The following DUOX1 variants were observed in gnomAD, a reference collection of about 807,000 sequenced individuals.
DUOX1 encodes dual oxidase 1.
In DUOX1, 134 loss-of-function variants were observed where a neutral mutation model predicts 181.8. That is an observed-to-expected ratio of 0.74 (90% confidence interval 0.64 to 0.85). The LOEUF (loss-of-function observed/expected upper bound fraction) is 0.85. Ranked by LOEUF, DUOX1 falls within the 40% of genes least tolerant of loss-of-function variation. DUOX1 has a pLI of 0.00. For synonymous variants in DUOX1, 798 were observed against 832.5 expected (o/e 0.96, Z 0.71); for missense variants, 1,814 against 2,064.4 (o/e 0.88, Z 2.35).
chr15:45,136,566 G>A lies in DUOX1; in HGVS notation c.963G>A (p.Glu321=), dbSNP rs75150741. The A allele has an allele frequency of 2.5e-6, 4 of 1,614,170 alleles. No homozygotes were observed. Among genetic ancestry groups the A allele is most frequent in the East Asian group, 2.2e-5 (1 of 44,882 alleles). Residue 321 remains glutamate (E), a synonymous_variant, in exon 9 of 34, where the codon GAG becomes GAA. Coordinates refer to ENST00000389037, the MANE Select transcript of DUOX1 (RefSeq NM_175940.3). ...RPFLDPSISS[E]FVAASEQFLS... is the part of the protein sequence containing the mutation. ...TTCTGGACCCCAGCATCTCCTCAGA[G>A]TTCGTGGCGGCCTCTGAGCAGTTCC... is the stretch of plus-strand genomic sequence containing the variant.
intron 29 of DUOX1, 121 bp from the exon 30 acceptor site, chr15:45,161,616 TG>T (rs1897105426): frequency 3.5e-6 from 3 of 863,850 alleles, no homozygotes; most frequent in South Asian, 1.6e-5. Context: ...GAGCTTCTGA[TG>T]GGGGAGGCCT....
chr15:45,135,463 G>C lies in DUOX1; in HGVS notation c.496-11G>C. On this transcript the variant is annotated splice_polypyrimidine_tract_variant and intron_variant, in intron 5 of 33. Transcript: ENST00000389037. ...CCATCGACCCGGGCTCACCCGCCGC[G>C]TGCCCCGCAGGCCAACCAGGTGACG... 6.5e-7 allele frequency: 1 copy of C among 1,547,222 alleles called. No homozygotes were observed. Among genetic ancestry groups the C allele is most frequent in the South Asian group, 1.2e-5 (1 of 84,008 alleles).
At chr15:45,143,922 G>C in intron 16 of DUOX1, 114 bp from the exon 17 acceptor site, 1 of 993,350 alleles carries the variant, frequency 1.0e-6, no homozygotes. Flanking sequence ...TACCCCAGAA[G>C]GGGACAATGA....
chr15:45,132,811 G>A (rs529152646), intron 2 of DUOX1, among the ~76,000 whole-genome samples: 2 of 152,044 alleles, frequency 1.3e-5, no homozygotes, highest in Non-Finnish European at 2.9e-5. Flanking sequence ...CCCAAGAGGC[G>A]CTTTCCCTGT....
chr15:45,141,459 C>T (rs200703178), intron 14 of DUOX1, 49 bp downstream of exon 14: 54 of 1,573,184 alleles, frequency 3.4e-5, no homozygotes, highest in Middle Eastern at 3.3e-4. Context: ...GGAGCCTCGT[C>T]CCTCTTCAGC....
In DUOX1 at chr15:45,142,793, G is replaced by GGAAGGAAGGA. The variant is rs1567012344; in HGVS notation, c.1823-397_1823-396insGAAGGAAGGA. On this transcript the variant is annotated intron_variant, in intron 15 of 33. Coordinates refer to ENST00000389037, the MANE Select transcript of DUOX1 (RefSeq NM_175940.3). ...GAAGGAAGGAAGGAAGGAAGGGAGGGAGGAAGGGAGGGAGGAAGAGCAGGC... is the reference window on the plus strand; with the variant it reads ...GAAGGAAGGAAGGAAGGAAGGGAGGGGAAGGAAGGAAGGAAGGGAGGGAGGAAGAGCAGGC... Among the ~76,000 whole-genome samples, 3 of 143,844 alleles carry GGAAGGAAGGA rather than the reference G, an allele frequency of 2.1e-5. 1 individual carries two copies. Among genetic ancestry groups the GGAAGGAAGGA allele is most frequent in the Non-Finnish European group, 1.5e-5 (1 of 66,102 alleles). The allele number at this position is 143,844 out of a possible 152,430, so 94.4% of individuals were successfully genotyped here.
rs373328305 is a variant in DUOX1, at chr15:45,164,783, G to A, written c.4538G>A (p.Arg1513Gln). Residue 1513 changes from arginine to glutamine, a missense_variant, in exon 34 of 34, where the codon CGG (arginine) becomes CAG (glutamine). Transcript: ENST00000389037. ...CACTTATTCCTCCTGCAACAGGTCC[G>A]GAAGATCGGGGTGTTTAGCTGTGGC... ...NSLQEVHPQV[R>Q]KIGVFSCGPP... The A allele has an allele frequency of 3.8e-5, 61 of 1,614,030 alleles. No individual in the cohort carries two copies. The Admixed American group carries it at 5.8e-4, about 15-fold the overall frequency.
Position 45,145,052 on chromosome 15 carries a change from A to T in DUOX1, c.2294A>T (p.Glu765Val), listed in dbSNP as rs747878116. The T allele has an allele frequency of 1.9e-6, 3 of 1,609,906 alleles. No homozygotes were observed. The South Asian group carries it at 3.3e-5, about 18-fold the overall frequency. ...VTREQRRHLL[E>V]TFFRHLFSQV... The stretch of plus-strand genomic sequence containing the variant: ...CGGGAGCAGCGGAGGCACCTCCTGG[A>T]GACCTTTTTCAGGCACCTTTTCTCC... Residue 765 changes from glutamate (E) to valine (V), a missense_variant, in exon 18 of 34, where the codon GAG becomes GTG. Glu to Val is a moderately radical substitution (Grantham distance 121, BLOSUM62 -2). Around this residue, in one of 5 missense-constraint regions of DUOX1, gnomAD observed 1,064 missense variants for 1,152.9 expected, o/e 0.92. Coordinates refer to ENST00000389037, the MANE Select transcript of DUOX1 (RefSeq NM_175940.3).
In DUOX1 at chr15:45,145,026, A is replaced by T. The variant is rs761005987; in HGVS notation, c.2268A>T (p.Thr756=). ...REQELMRAAV[T]REQRRHLLET... Reference sequence around the variant, plus strand: ...AGGAGCTGATGAGAGCAGCTGTGACACGGGAGCAGCGGAGGCACCTCCTGG... The same window carrying T: ...AGGAGCTGATGAGAGCAGCTGTGACTCGGGAGCAGCGGAGGCACCTCCTGG... Residue 756 remains threonine, a synonymous_variant, in exon 18 of 34, where the codon ACA becomes ACT. Coordinates refer to ENST00000389037, the MANE Select transcript of DUOX1 (RefSeq NM_175940.3). 4 of 1,613,806 alleles carry T rather than the reference A, an allele frequency of 2.5e-6. No homozygotes were observed. In the South Asian group the frequency reaches 4.4e-5, roughly 18 times the overall value.
At position 45,142,111 on chromosome 15, in the gene DUOX1, G is replaced by A. The variant is rs150683309; in HGVS notation, c.1821G>A (p.Leu607=). The change falls in exon 15 of 34, where the codon TTG becomes TTA. Residue 607 remains leucine, a splice_region_variant and synonymous_variant. Coordinates refer to ENST00000389037, the MANE Select transcript of DUOX1 (RefSeq NM_175940.3). ...VTIGTLCCFP[L]VSLLSAWIVA... is the part of the protein sequence containing the mutation. ...TCGGGACCCTCTGTTGCTTCCCTTTGGGTAAAATCATGGACAGAGTGGGGT... is the reference window on the plus strand; with the variant it reads ...TCGGGACCCTCTGTTGCTTCCCTTTAGGTAAAATCATGGACAGAGTGGGGT... The A allele has an allele frequency of 4.7e-4, 756 of 1,613,208 alleles. 6 individuals are homozygous for A. In the African/African-American group the frequency reaches 9.3e-3, roughly 20 times the overall value.
In DUOX1 at chr15:45,142,037, G is replaced by A. The variant is rs1390095215; in HGVS notation, c.1747G>A (p.Val583Ile). Reference sequence around the variant, plus strand: ...AGGCCTGCCAGCGTGTGCTCCCTCTGTTGTTCGTGACTATTTTGAGGGCAG... The same window carrying A: ...AGGCCTGCCAGCGTGTGCTCCCTCTATTGTTCGTGACTATTTTGAGGGCAG... ...TEGLPACAPS[V>I]VRDYFEGSGF... The change falls in exon 15 of 34, where the codon GTT (valine) becomes ATT (isoleucine). Residue 583 changes from valine to isoleucine, a missense_variant. This residue lies in a region of DUOX1 where 1,064 missense variants were observed against 1,152.9 expected (regional missense o/e 0.92). Transcript: ENST00000389037. 9 of 1,614,018 alleles carry A rather than the reference G, an allele frequency of 5.6e-6. No homozygotes were observed. The highest frequency in any genetic ancestry group is 7.6e-6 in the Non-Finnish European group (9 of 1,180,022).
chr15:45,154,199 A>G (rs1236694193), intron 27 of DUOX1, among the ~76,000 whole-genome samples, 199 bp downstream of exon 27: 1 of 152,166 alleles, frequency 6.6e-6, no homozygotes, highest in Non-Finnish European at 1.5e-5. Flanking sequence ...GCAGGAGCTC[A>G]ACTGGGTTCC....
chr15:45,135,496 T>C lies in DUOX1; in HGVS notation c.518T>C (p.Leu173Pro). ...RDPANQVTGW[L>P]DGSAIYGSSH... Reference sequence around the variant, plus strand: ...CAGGCCAACCAGGTGACGGGCTGGCTGGACGGCAGCGCCATCTATGGTTCC... The same window carrying C: ...CAGGCCAACCAGGTGACGGGCTGGCCGGACGGCAGCGCCATCTATGGTTCC... The change falls in exon 6 of 34, where the codon CTG becomes CCG. Residue 173 changes from leucine to proline, a missense_variant. Physicochemically the swap from Leu to Pro is moderately conservative, Grantham distance 98 (BLOSUM62 -3). Transcript: ENST00000389037. 6.4e-7 allele frequency: 1 copy of C among 1,556,440 alleles called. No homozygotes were observed. The highest frequency in any genetic ancestry group is 8.7e-7 in the Non-Finnish European group (1 of 1,151,654).
chr15:45,154,092 C>A, intron 27 of DUOX1, 92 bp downstream of exon 27: 1 of 1,200,736 alleles, frequency 8.3e-7, no homozygotes, highest in Non-Finnish European at 1.2e-6. Flanking sequence ...CACGTTCACT[C>A]ACTCAGCTCT....
intron 28 of DUOX1, among the ~76,000 whole-genome samples, chr15:45,160,437 A>G (rs957285301): frequency 6.6e-6 from 1 of 152,202 alleles, no homozygotes; most frequent in Non-Finnish European, 1.5e-5. Flanking sequence ...TTGTAGTGCA[A>G]TGGGAAGGCC....
chr15:45,138,072 G>GTGTGTT, intron 10 of DUOX1, 58 bp downstream of exon 10: 16 of 995,622 alleles, frequency 1.6e-5, no homozygotes, highest in Non-Finnish European at 2.2e-5. Flanking sequence ...TTATGTGTGT[G>GTGTGTT]TGTGTATGTG....
intron 28 of DUOX1, among the ~76,000 whole-genome samples, chr15:45,158,726 A>AGCAGC (rs2141302355): frequency 6.6e-6 from 1 of 150,978 alleles, no homozygotes; most frequent in South Asian, 2.1e-4. Context: ...AAAAAAAAAA[A>AGCAGC]AAAGCAGCTA....
At chr15:45,152,548 A>G (rs1278399996) in intron 25 of DUOX1, 32 bp downstream of exon 25, 2 of 1,596,364 alleles carry the variant, frequency 1.3e-6, no homozygotes, top group African/African-American at 1.3e-5. Context: ...GAGGCTCTCC[A>G]GGGCCTCCCG....
chr15:45,148,394 T>C lies in DUOX1; in HGVS notation c.2765T>C (p.Phe922Ser). The part of the protein sequence containing the change: ...KEELTWEDFH[F>S]MLRDHNSELR... ...GAACTGACATGGGAAGATTTTCACT[T>C]CATGCTGCGGGACCACAATAGCGAG... is the stretch of plus-strand genomic sequence containing the variant. The change falls in exon 21 of 34, where the codon TTC (phenylalanine) becomes TCC (serine). Residue 922 changes from phenylalanine to serine, a missense_variant. By Grantham distance (155) the Phe-to-Ser change is radical (BLOSUM62 -2). Around this residue, in one of 5 missense-constraint regions of DUOX1, gnomAD observed 1,064 missense variants for 1,152.9 expected, o/e 0.92. Transcript: ENST00000389037. 3 of 1,614,196 alleles carry C rather than the reference T, an allele frequency of 1.9e-6. No homozygotes were observed. Among genetic ancestry groups the C allele is most frequent in the Non-Finnish European group, 2.5e-6 (3 of 1,180,030 alleles).
Sources: allele counts gnomAD v4.1 joint callset (sites outside exome capture counted in the v4.1 genomes callset), GRCh38; gene constraint gnomAD v4.1.1; regional missense constraint gnomAD v4.1.1; transcripts MANE v1.5; gene names NCBI Gene and HGNC (gene_info 2026-07-23, HGNC 2026-07-21).